The following RNASEH2C variants were observed in gnomAD, a reference collection of about 807,000 sequenced individuals.
The protein encoded by RNASEH2C is RNase H1 small subunit.
Under a neutral mutation model 16.3 loss-of-function variants are expected in RNASEH2C, and 20 were observed. The ratio of observed to expected loss-of-function variants is 1.23; its 90% CI spans 0.86 to 1.79. The LOEUF (loss-of-function observed/expected upper bound fraction) is 1.79. RNASEH2C is among the 40% of genes most tolerant of loss of function. The pLI is 0.00. For synonymous variants in RNASEH2C, 106 were observed against 98.9 expected, an observed-to-expected ratio of 1.07 and a Z score of -0.43; for missense variants, 296 against 235.9, an observed-to-expected ratio of 1.25 and a Z score of -1.67.
chr11:65,719,953 A>T (rs1283221800), intron 3 of RNASEH2C, 92 bp downstream of exon 3: 3 of 1,607,660 alleles, frequency 1.9e-6, no homozygotes, highest in Non-Finnish European at 2.5e-6. Flanking sequence ...CTTCCCACAC[A>T]CTACCCAGTA....
Position 65,718,803 on chromosome 11 carries a change from G to T in RNASEH2C, c.*980C>A. On this transcript the variant is annotated 3_prime_UTR_variant, in exon 4 of 4. Coordinates refer to ENST00000308418, the MANE Select transcript of RNASEH2C (RefSeq NM_032193.4). ...ACATGGCATGGCTTGTCTGTTCCTG[G>T]GCTTTCTCTCTCAGGGCTCCTGGGG... The T allele has an allele frequency of 1.2e-6, 2 of 1,613,790 alleles. No homozygotes were observed. The highest frequency in any genetic ancestry group is 1.7e-6 in the Non-Finnish European group (2 of 1,179,772).
In RNASEH2C at chr11:65,718,717, G is replaced by A. The variant is rs756770552; in HGVS notation, c.*1066C>T. 19 of 1,614,028 alleles carry A rather than the reference G, an allele frequency of 1.2e-5. No individual in the cohort carries two copies. Among genetic ancestry groups the A allele is most frequent in the African/African-American group, 5.3e-5 (4 of 74,912 alleles). On this transcript the variant is annotated 3_prime_UTR_variant, in exon 4 of 4. Transcript: ENST00000308418. ...TGGAGATCCTGATGGGGCTGAAGTC[G>A]GAGAGCGGGGAGAGGCCACAGATCA...
At position 65,719,194 on chromosome 11, in the gene RNASEH2C, C is replaced by T. The variant is rs1377637727; in HGVS notation, c.*589G>A. 1.2e-5 allele frequency: 20 copies of T among 1,612,484 alleles called. No individual in the cohort carries two copies. The highest frequency in any genetic ancestry group is 1.7e-5 in the Non-Finnish European group (20 of 1,179,452). On this transcript the variant is annotated 3_prime_UTR_variant, in exon 4 of 4. Transcript: ENST00000308418. Reference sequence around the variant, plus strand: ...GGGGAAGTGGTGACCAGACACTGCCCACTGCAGTGCCAAGACGGCAGCAGG... The same window carrying T: ...GGGGAAGTGGTGACCAGACACTGCCTACTGCAGTGCCAAGACGGCAGCAGG...
At position 65,720,455 on chromosome 11, in the gene RNASEH2C, A is replaced by G. The variant is rs752003516; in HGVS notation, c.173-38T>C. 1.4e-5 allele frequency: 23 copies of G among 1,609,080 alleles called. 1 individual carries two copies. In the South Asian group the frequency reaches 2.5e-4, roughly 18 times the overall value. On this transcript the variant is annotated intron_variant, in intron 1 of 3. Coordinates refer to ENST00000308418, the MANE Select transcript of RNASEH2C (RefSeq NM_032193.4). ...GCGCAAAGGGCCTCAGGCAGGACCC[A>G]CGCTGGGTCGAGCCCGGAGCTGCCC... is the stretch of plus-strand genomic sequence containing the variant.
Position 65,720,237 on chromosome 11 carries a change from C to T in RNASEH2C, c.348+5G>A. 1 of 1,614,248 alleles carries T rather than the reference C, an allele frequency of 6.2e-7. No individual in the cohort carries two copies. The highest frequency in any genetic ancestry group is 1.1e-5 in the South Asian group (1 of 91,090). ...ACCCCCTTTCAACCCTATCCCTTTG[C>T]TCACGAAGTCCCGCTCCAGCGGCTC... On this transcript the variant is annotated splice_donor_5th_base_variant and intron_variant, in intron 2 of 3. Coordinates refer to ENST00000308418, the MANE Select transcript of RNASEH2C (RefSeq NM_032193.4).
Position 65,717,774 on chromosome 11 carries a change from C to T in RNASEH2C, c.*2009G>A, listed in dbSNP as rs1857250912. The stretch of plus-strand genomic sequence containing the variant: ...TAGCACAAGTGGATGCTTGAAGAAA[C>T]TCAGTCTTGGAACTCAGACAGCAAT... On this transcript the variant is annotated 3_prime_UTR_variant, in exon 4 of 4. Coordinates refer to ENST00000308418, the MANE Select transcript of RNASEH2C (RefSeq NM_032193.4). 6.6e-6 allele frequency: 1 copy of T among 152,504 alleles called. No homozygotes were observed. The highest frequency in any genetic ancestry group is 6.5e-5 in the Admixed American group (1 of 15,300). The allele number at this position is 152,504 out of a possible 1,614,324, so 9.4% of individuals were successfully genotyped here. A position where few individuals can be genotyped will look rare whatever the true frequency, so the allele number is the denominator to read the frequency against.
chr11:65,719,975 G>C (rs1383839895), intron 3 of RNASEH2C, 70 bp downstream of exon 3: 6 of 1,608,884 alleles, frequency 3.7e-6, no homozygotes, highest in South Asian at 1.1e-5. Context: ...AATCCTCCAG[G>C]CTCCGTCTGC....
Position 65,720,214 on chromosome 11 carries a change from C to A in RNASEH2C, c.348+28G>T, listed in dbSNP as rs1276680569. The A allele has an allele frequency of 5.0e-6, 8 of 1,614,124 alleles. No homozygotes were observed. In the African/African-American group the frequency reaches 6.7e-5, roughly 13 times the overall value. ...TCGGGACTACAGCTCCCGCCCGCACCCCCTTTCAACCCTATCCCTTTGCTC... is the reference window on the plus strand; with the variant it reads ...TCGGGACTACAGCTCCCGCCCGCACACCCTTTCAACCCTATCCCTTTGCTC... On this transcript the variant is annotated intron_variant, in intron 2 of 3. Transcript: ENST00000308418.
Position 65,720,374 on chromosome 11 carries a change from C to T in RNASEH2C, c.216G>A (p.Glu72=), listed in dbSNP as rs1271586408. ...SFRGRCLRGE[E]VAVPPGLVGY... ...CCACGAGGCCAGGCGGCACCGCCAC[C>T]TCCTCTCCCCGTAGACAGCGGCCCC... Residue 72 remains glutamate, a synonymous_variant, in exon 2 of 4, where the codon GAG becomes GAA. Transcript: ENST00000308418. The T allele has an allele frequency of 9.3e-6, 15 of 1,614,222 alleles. No homozygotes were observed. Among genetic ancestry groups the T allele is most frequent in the Non-Finnish European group, 1.3e-5 (15 of 1,180,052 alleles).
At position 65,719,569 on chromosome 11, in the gene RNASEH2C, C is replaced by T. The variant is rs746356096; in HGVS notation, c.*214G>A. The T allele has an allele frequency of 4.6e-6, 3 of 648,054 alleles. No homozygotes were observed. The highest frequency in any genetic ancestry group is 8.2e-6 in the Non-Finnish European group (3 of 366,356). The allele number at this position is 648,054 out of a possible 1,614,324, so 40.1% of individuals were successfully genotyped here. A position where few individuals can be genotyped will look rare whatever the true frequency, so the allele number is the denominator to read the frequency against. ...CAAAAATTTCTGGCTTCTCTTACCC[C>T]TATTGCCCCCGGCAATAAATTGTTT... On this transcript the variant is annotated 3_prime_UTR_variant, in exon 4 of 4. Coordinates refer to ENST00000308418, the MANE Select transcript of RNASEH2C (RefSeq NM_032193.4).
At position 65,719,750 on chromosome 11, in the gene RNASEH2C, G is replaced by A. The variant is rs757749372; in HGVS notation, c.*33C>T. 2 of 1,610,944 alleles carry A rather than the reference G, an allele frequency of 1.2e-6. No individual in the cohort carries two copies. The highest frequency in any genetic ancestry group is 1.1e-5 in the South Asian group (1 of 91,012). Reference sequence around the variant, plus strand: ...CAAAGAGCTGGTTTACTGCTGTGAAGGGATCGCAGCTTTGAATTTCAAGCT... The same window carrying A: ...CAAAGAGCTGGTTTACTGCTGTGAAAGGATCGCAGCTTTGAATTTCAAGCT... On this transcript the variant is annotated 3_prime_UTR_variant, in exon 4 of 4. Transcript: ENST00000308418.
chr11:65,719,311 C>T lies in RNASEH2C; in HGVS notation c.*472G>A. Reference sequence around the variant, plus strand: ...TGAGGACAGCTCAAAAAGGAGAGGACAGGCCTGGCAGGGGCCCACTGGTGC... The same window carrying T: ...TGAGGACAGCTCAAAAAGGAGAGGATAGGCCTGGCAGGGGCCCACTGGTGC... On this transcript the variant is annotated 3_prime_UTR_variant, in exon 4 of 4. Coordinates refer to ENST00000308418, the MANE Select transcript of RNASEH2C (RefSeq NM_032193.4). 9 of 1,137,694 alleles carry T rather than the reference C, an allele frequency of 7.9e-6. No individual in the cohort carries two copies. Among genetic ancestry groups the T allele is most frequent in the Non-Finnish European group, 1.1e-5 (9 of 819,048 alleles). 70.5% of individuals were successfully genotyped at this position (1,137,694 alleles called of 1,614,324 possible). A position where few individuals can be genotyped will look rare whatever the true frequency, so the allele number is the denominator to read the frequency against.
At position 65,719,368 on chromosome 11, in the gene RNASEH2C, A is replaced by G. The variant is rs974484828; in HGVS notation, c.*415T>C. 1.7e-5 allele frequency: 12 copies of G among 708,362 alleles called. No homozygotes were observed. In the African/African-American group the frequency reaches 2.2e-4, roughly 13 times the overall value. 43.9% of individuals were successfully genotyped at this position (708,362 alleles called of 1,614,324 possible). ...CCAAGGCGAGCTCCGGGCTCAGACC[A>G]ACTCCAAGGTCAGCTGGCCACAGGC... On this transcript the variant is annotated 3_prime_UTR_variant, in exon 4 of 4. Transcript: ENST00000308418.
rs1857282383 is a variant in RNASEH2C at position 65,718,490 on chromosome 11, G to A, written c.*1293C>T. 4 of 1,259,130 alleles carry A rather than the reference G, an allele frequency of 3.2e-6. No individual in the cohort carries two copies. The highest frequency in any genetic ancestry group is 4.5e-6 in the Non-Finnish European group (4 of 895,568). The allele number at this position is 1,259,130 out of a possible 1,614,324, so 78.0% of individuals were successfully genotyped here. ...TAGAACTGCCAAGTGGCAGGGCCAT[G>A]ATAGGAACTAGGCAGCCTGCCTTGG... On this transcript the variant is annotated 3_prime_UTR_variant, in exon 4 of 4. Transcript: ENST00000308418.
Position 65,720,155 on chromosome 11 carries a change from T to A in RNASEH2C, c.358A>T (p.Ile120Phe), listed in dbSNP as rs145783593. The A allele has an allele frequency of 1.2e-6, 2 of 1,614,226 alleles. No homozygotes were observed. Among genetic ancestry groups the A allele is most frequent in the East Asian group, 4.5e-5 (2 of 44,876 alleles). ...CGGCTGAAGTTGGCAGTGGCTCCAA[T>A]GAAGCGGTCCTGGGGAAGGGGCCTG... is the stretch of plus-strand genomic sequence containing the variant. ...EPLERDFDRF[I>F]GATANFSRFT... Residue 120 changes from isoleucine (I) to phenylalanine (F), a missense_variant, in exon 3 of 4, where the codon ATT becomes TTT. Ile to Phe is a conservative substitution (Grantham distance 21, BLOSUM62 0). Coordinates refer to ENST00000308418, the MANE Select transcript of RNASEH2C (RefSeq NM_032193.4).
rs182000627 is a variant in RNASEH2C at position 65,720,032 on chromosome 11, C to G, written c.468+13G>C. 5 of 1,612,358 alleles carry G rather than the reference C, an allele frequency of 3.1e-6. No individual in the cohort carries two copies. In the African/African-American group the frequency reaches 4.0e-5, roughly 13 times the overall value. On this transcript the variant is annotated intron_variant, in intron 3 of 3. Coordinates refer to ENST00000308418, the MANE Select transcript of RNASEH2C (RefSeq NM_032193.4). ...TCCACCCGGGGGCAAGACGGAACTC[C>G]TCGTCTACTCACCGCTGCCGCAAGG...
Position 65,720,416 on chromosome 11 carries a change from T to G in RNASEH2C, c.174A>C (p.Gly58=), listed in dbSNP as rs765566693. ...AGCGGCCCCGAAACGACACTTCGAGTCCTGGAGCGGGAGGCGCAAAGGGCC... is the reference window on the plus strand; with the variant it reads ...AGCGGCCCCGAAACGACACTTCGAGGCCTGGAGCGGGAGGCGCAAAGGGCC... ...FTPAIRQGPE[G]LEVSFRGRCL... is the part of the protein sequence containing the mutation. Residue 58 remains glycine, a splice_region_variant and synonymous_variant, in exon 2 of 4, where the codon GGA becomes GGC. Transcript: ENST00000308418. 1.9e-6 allele frequency: 3 copies of G among 1,613,688 alleles called. No homozygotes were observed. The highest frequency in any genetic ancestry group is 2.5e-6 in the Non-Finnish European group (3 of 1,180,008).
chr11:65,719,094 G>C lies in RNASEH2C; in HGVS notation c.*689C>G. 1 of 1,614,186 alleles carries C rather than the reference G, an allele frequency of 6.2e-7. No individual in the cohort carries two copies. The highest frequency in any genetic ancestry group is 8.5e-7 in the Non-Finnish European group (1 of 1,180,016). The stretch of plus-strand genomic sequence containing the variant: ...CAGAGGACATCGTGGATGGCCATGA[G>C]CGGGCCATGCTCAAGCGGCTCCTGC... On this transcript the variant is annotated 3_prime_UTR_variant, in exon 4 of 4. Transcript: ENST00000308418.
rs1857334435 is a variant in RNASEH2C, at chr11:65,719,784, C to G, written c.494G>C (p.Ter165SerextTer135). 1 of 1,614,066 alleles carries G rather than the reference C, an allele frequency of 6.2e-7. No individual in the cohort carries two copies. The highest frequency in any genetic ancestry group is 8.5e-7 in the Non-Finnish European group (1 of 1,180,040). ...AAIHAQVPED[*>S] Reference sequence around the variant, plus strand: ...GCTTTGAATTTCAAGCTCTGGTTCTCAGTCCTCGGGCACCTGTGCGTGAAT... The same window carrying G: ...GCTTTGAATTTCAAGCTCTGGTTCTGAGTCCTCGGGCACCTGTGCGTGAAT... Residue 165 changes from the stop codon to serine (S), a stop_lost, in exon 4 of 4, where the codon TGA becomes TCA. Coordinates refer to ENST00000308418, the MANE Select transcript of RNASEH2C (RefSeq NM_032193.4).
Sources: gnomAD v4.1 joint callset for allele counts on GRCh38, gnomAD v4.1.1 for gene constraint, MANE v1.5 for transcripts, NCBI Gene and HGNC (gene_info 2026-07-23, HGNC 2026-07-21) for gene names.